The following GMDS variants were observed in gnomAD, a reference collection of about 807,000 sequenced individuals.
GMDS encodes the protein GDP-mannose 4,6 dehydratase.
In GMDS, 20 loss-of-function variants were observed where a neutral mutation model predicts 49.9. The observed-to-expected ratio is 0.40, with a 90% confidence interval of 0.28 to 0.58. The LOEUF is 0.58. Ranked by LOEUF, GMDS falls within the 20% of genes least tolerant of loss-of-function variation. The probability of loss-of-function intolerance (pLI) is 0.42; values close to 1 mark genes in which losing one functional copy is unlikely to be tolerated. For missense variants in GMDS, 362 were observed against 481.4 expected, an observed-to-expected ratio of 0.75 and a Z score of 2.32; for synonymous variants, 177 against 178.6, an observed-to-expected ratio of 0.99 and a Z score of 0.07.
intron 9 of GMDS, among the ~76,000 whole-genome samples, chr6:1,688,890 A>G (rs1436187967): frequency 1.3e-5 from 2 of 152,204 alleles, no homozygotes; most frequent in East Asian, 3.8e-4. Context: ...TTTGGAAGGG[A>G]AATAAATGAT....
chr6:2,049,831 G>A (rs879143250), intron 4 of GMDS, among the ~76,000 whole-genome samples: 1 of 152,226 alleles, frequency 6.6e-6, no homozygotes, highest in Non-Finnish European at 1.5e-5. Context: ...TGAAACCAAT[G>A]AGAACAAAGA....
chr6:2,195,525 A>C (rs1265278576), intron 1 of GMDS, among the ~76,000 whole-genome samples: 2 of 152,226 alleles, frequency 1.3e-5, no homozygotes, highest in African/African-American at 4.8e-5. Context: ...TCCTAATGTA[A>C]GTGGAAAGCT....
At chr6:2,200,404 A>G (rs996627474) in intron 1 of GMDS, among the ~76,000 whole-genome samples, 17 of 133,464 alleles carry the variant, frequency 1.3e-4, no homozygotes, top group South Asian at 1.0e-3. Flanking sequence ...TGAAGACAGA[A>G]CACCACATGG....
chr6:1,886,364 T>A (rs1434733858), intron 7 of GMDS, among the ~76,000 whole-genome samples: 1 of 152,156 alleles, frequency 6.6e-6, no homozygotes, highest in Non-Finnish European at 1.5e-5. Context: ...TCAAAAAATG[T>A]CACATATCAT....
intron 4 of GMDS, among the ~76,000 whole-genome samples, chr6:2,104,245 C>T (rs1176814427): frequency 6.6e-6 from 1 of 152,206 alleles, no homozygotes; most frequent in Admixed American, 6.5e-5. Flanking sequence ...GGATGACATA[C>T]CTTAAAAGAT....
At chr6:1,720,647 A>G (rs1433359739) in intron 9 of GMDS, among the ~76,000 whole-genome samples, 8 of 152,216 alleles carry the variant, frequency 5.3e-5, no homozygotes, top group African/African-American at 4.8e-5. Context: ...TTACAGAACG[A>G]GTAGTCTCGC....
At chr6:2,176,083 G>A (rs1158447924) in intron 1 of GMDS, 1 of 1,030,404 alleles carries the variant, frequency 9.7e-7, no homozygotes. Context: ...AATGCACACT[G>A]ACAACATGTA....
chr6:2,033,381 G>A (rs1479431446), intron 4 of GMDS, among the ~76,000 whole-genome samples: 1 of 152,068 alleles, frequency 6.6e-6, no homozygotes. Flanking sequence ...TAATTGATTG[G>A]GAGGGTTCTC....
intron 9 of GMDS, among the ~76,000 whole-genome samples, chr6:1,724,396 T>G (rs188171960): frequency 6.6e-6 from 1 of 152,268 alleles, no homozygotes; most frequent in East Asian, 1.9e-4. Context: ...AGAACAGTCT[T>G]GTTAGTCTGA....
chr6:1,955,270 T>C (rs536629877), intron 6 of GMDS, among the ~76,000 whole-genome samples: 2 of 152,292 alleles, frequency 1.3e-5, no homozygotes, highest in South Asian at 4.1e-4. Flanking sequence ...TATGATAATC[T>C]TATGGGACCA....
chr6:1,772,837 AAG>A (rs1202113405), intron 7 of GMDS, among the ~76,000 whole-genome samples: 2 of 152,244 alleles, frequency 1.3e-5, no homozygotes, highest in Non-Finnish European at 2.9e-5. Flanking sequence ...AGTTTCTAGA[AAG>A]AGAGTTTTAT....
intron 7 of GMDS, among the ~76,000 whole-genome samples, chr6:1,851,356 G>C (rs946508164): frequency 2.6e-5 from 4 of 152,084 alleles, no homozygotes; most frequent in Middle Eastern, 6.3e-3. Flanking sequence ...TATTGCAACA[G>C]GAAATAAGTT....
At chr6:1,776,359 G>T (rs1226481588) in intron 7 of GMDS, among the ~76,000 whole-genome samples, 1 of 152,128 alleles carries the variant, frequency 6.6e-6, no homozygotes, top group East Asian at 1.9e-4. Context: ...GTCCCACACA[G>T]AATTTTTGGA....
At chr6:1,712,738 G>A (rs148598722) in intron 9 of GMDS, among the ~76,000 whole-genome samples, 1 of 151,594 alleles carries the variant, frequency 6.6e-6, no homozygotes, top group Non-Finnish European at 1.5e-5. Flanking sequence ...TAAAGATGGA[G>A]AAAGGGAAAA....
intron 4 of GMDS, among the ~76,000 whole-genome samples, chr6:2,104,179 T>C (rs1774088362): frequency 6.6e-6 from 1 of 152,190 alleles, no homozygotes; most frequent in Non-Finnish European, 1.5e-5. Flanking sequence ...CCCTTCACTG[T>C]CTCTTTATTT....
At chr6:1,679,939 A>T (rs1002645118) in intron 9 of GMDS, 3 of 152,052 alleles carry the variant, frequency 2.0e-5, no homozygotes, top group Non-Finnish European at 4.4e-5. Context: ...GGAGACAAGG[A>T]AAAAAAAGGA....
At chr6:1,662,830 G>A (rs546699137) in intron 9 of GMDS, among the ~76,000 whole-genome samples, 47 of 152,294 alleles carry the variant, frequency 3.1e-4, no homozygotes, top group African/African-American at 1.1e-3. Context: ...GATGCTGAGG[G>A]CAGTCAGCTG....
chr6:1,690,560 G>C (rs1262876557), intron 9 of GMDS, among the ~76,000 whole-genome samples: 2 of 152,252 alleles, frequency 1.3e-5, no homozygotes, highest in African/African-American at 4.8e-5. Flanking sequence ...GTCCCCATCA[G>C]AGTGAACAGA....
In GMDS at chr6:1,875,515, T is replaced by A. The variant is rs528855098; in HGVS notation, c.771+54588A>T. Among the ~76,000 whole-genome samples, 3 of 152,242 alleles carry A rather than the reference T, an allele frequency of 2.0e-5. 1 individual carries two copies. In the South Asian group the frequency reaches 6.2e-4, roughly 32 times the overall value. ...CACTATATATTACTGTCTCAAAACC[T>A]TTAAACATCAGAATTATATTGGTAG... On this transcript the variant is annotated intron_variant, in intron 7 of 10. Coordinates refer to ENST00000380815, the MANE Select transcript of GMDS (RefSeq NM_001500.4).
Sources: allele counts gnomAD v4.1 joint callset (sites outside exome capture counted in the v4.1 genomes callset), GRCh38; gene constraint gnomAD v4.1.1; transcripts MANE v1.5; gene names NCBI Gene and HGNC (gene_info 2026-07-23, HGNC 2026-07-21).